The following PLCB4 variants were observed in gnomAD, a reference collection of about 807,000 sequenced individuals.
The protein encoded by PLCB4 is 1-phosphatidylinositol 4,5-bisphosphate phosphodiesterase beta-4.
Under a neutral mutation model 178.8 loss-of-function variants are expected in PLCB4, and 77 were observed. That is an observed-to-expected ratio of 0.43 (90% CI 0.36 to 0.52). The LOEUF is 0.52. Ranked by LOEUF, PLCB4 falls within the 20% of genes least tolerant of loss-of-function variation. PLCB4 has a pLI of 0.00. For missense variants in PLCB4, 1,024 were observed against 1,453.4 expected, an observed-to-expected ratio of 0.70 and a Z score of 4.80; for synonymous variants, 496 against 490.8, an observed-to-expected ratio of 1.01 and a Z score of -0.14.
chr20:9,144,808 A>C (rs1400060167), intron 2 of PLCB4, among the ~76,000 whole-genome samples: 1 of 150,956 alleles, frequency 6.6e-6, no homozygotes, highest in African/African-American at 2.4e-5. Context: ...AGGAGAAGGA[A>C]GTTCAAATAA....
intron 7 of PLCB4, among the ~76,000 whole-genome samples, chr20:9,350,490 C>G (rs2034229284): frequency 6.6e-6 from 1 of 152,174 alleles, no homozygotes; most frequent in Non-Finnish European, 1.5e-5. Flanking sequence ...CAGTGGCTCT[C>G]TCTAGTGCTC....
intron 3 of PLCB4, among the ~76,000 whole-genome samples, chr20:9,237,623 A>G (rs2094007670): frequency 6.6e-6 from 1 of 152,310 alleles, no homozygotes; most frequent in African/African-American, 2.4e-5. Context: ...CAAGTTTGAG[A>G]AGCATGACAG....
At chr20:9,318,254 CT>C (rs2094922052) in intron 4 of PLCB4, among the ~76,000 whole-genome samples, 1 of 151,978 alleles carries the variant, frequency 6.6e-6, no homozygotes, top group Non-Finnish European at 1.5e-5. Context: ...TCCAAAGCTG[CT>C]AGTTTAGGGG....
intron 2 of PLCB4, among the ~76,000 whole-genome samples, chr20:9,183,505 T>G (rs1022103197): frequency 6.6e-5 from 10 of 152,204 alleles, no homozygotes; most frequent in Admixed American, 2.6e-4. Flanking sequence ...GCTAGATTTT[T>G]AAGTTTCAGT....
At chr20:9,150,595 A>G (rs1399192222) in intron 2 of PLCB4, among the ~76,000 whole-genome samples, 3 of 152,140 alleles carry the variant, frequency 2.0e-5, no homozygotes, top group South Asian at 2.1e-4. Context: ...GGTGCTAAAC[A>G]TGCATCGTCT....
rs180918080 is a variant in PLCB4, at chr20:9,431,144, C to G, written c.2525-4416C>G. Among the ~76,000 whole-genome samples, 24 of 152,264 alleles carry G rather than the reference C, an allele frequency of 1.6e-4. No individual in the cohort carries two copies. In the East Asian group the frequency reaches 4.4e-3, roughly 28 times the overall value. On this transcript the variant is annotated intron_variant, in intron 28 of 39. Transcript: ENST00000378473. The stretch of plus-strand genomic sequence containing the variant: ...CTCTCTGAAGGCTCTCGGGAAGAAT[C>G]CTTCCTTGCCTCTTTCTGGCTTCTG...
At chr20:9,159,478 T>C (rs906005425) in intron 2 of PLCB4, among the ~76,000 whole-genome samples, 3 of 152,206 alleles carry the variant, frequency 2.0e-5, no homozygotes, top group African/African-American at 7.2e-5. Flanking sequence ...TGTTTTTGTG[T>C]GATAAGAGGG....
At chr20:9,200,674 C>T (rs2093532486) in intron 2 of PLCB4, among the ~76,000 whole-genome samples, 1 of 152,158 alleles carries the variant, frequency 6.6e-6, no homozygotes, top group Non-Finnish European at 1.5e-5. Flanking sequence ...GGTCTCTTCA[C>T]CCTTGCAGAA....
At chr20:9,267,108 G>C (rs541963156) in intron 3 of PLCB4, among the ~76,000 whole-genome samples, 1 of 152,148 alleles carries the variant, frequency 6.6e-6, no homozygotes, top group Non-Finnish European at 1.5e-5. Flanking sequence ...TTAATCATTT[G>C]TTCCCTCCAA....
intron 32 of PLCB4, among the ~76,000 whole-genome samples, chr20:9,450,571 A>G (rs2042692435): frequency 6.6e-6 from 1 of 151,758 alleles, no homozygotes; most frequent in African/African-American, 2.4e-5. Flanking sequence ...TTATTTTTGC[A>G]TATGTTTAGT....
intron 4 of PLCB4, among the ~76,000 whole-genome samples, chr20:9,313,515 G>A (rs1196761371): frequency 6.6e-6 from 1 of 152,186 alleles, no homozygotes; most frequent in Non-Finnish European, 1.5e-5. Context: ...TTTCAAATTT[G>A]GAGTTGGGGG....
chr20:9,270,458 A>G (rs1398807196), intron 3 of PLCB4, among the ~76,000 whole-genome samples: 2 of 152,162 alleles, frequency 1.3e-5, no homozygotes, highest in African/African-American at 4.8e-5. Flanking sequence ...TGACATTAGT[A>G]GAATGCATTT....
chr20:9,225,600 T>C (rs910201549), intron 3 of PLCB4, among the ~76,000 whole-genome samples: 1 of 152,190 alleles, frequency 6.6e-6, no homozygotes, highest in Non-Finnish European at 1.5e-5. Flanking sequence ...TGAGGGCCTT[T>C]GTGGTGGCAA....
chr20:9,272,824 C>G (rs1161252673), intron 3 of PLCB4, among the ~76,000 whole-genome samples: 1 of 151,470 alleles, frequency 6.6e-6, no homozygotes, highest in Non-Finnish European at 1.5e-5. Flanking sequence ...AAAGGCTCTC[C>G]CAGTTTGTTC....
At chr20:9,348,879 G>A (rs1036153206) in intron 7 of PLCB4, among the ~76,000 whole-genome samples, 3 of 152,040 alleles carry the variant, frequency 2.0e-5, no homozygotes, top group Admixed American at 1.3e-4. Context: ...TCAAGCCTCC[G>A]CTTAGCTCCC....
chr20:9,329,281 TGGG>T (rs2031257911), intron 4 of PLCB4, among the ~76,000 whole-genome samples: 2 of 152,158 alleles, frequency 1.3e-5, no homozygotes, highest in Admixed American at 1.3e-4. Flanking sequence ...AGAAATGATT[TGGG>T]GGCTACTTTT....
chr20:9,127,700 A>G (rs924399276), intron 2 of PLCB4, among the ~76,000 whole-genome samples: 6 of 151,658 alleles, frequency 4.0e-5, no homozygotes, highest in Non-Finnish European at 7.4e-5. Context: ...CCATCCATCT[A>G]TCTAAACGGA....
At chr20:9,100,891 A>T (rs796401425) in intron 2 of PLCB4, among the ~76,000 whole-genome samples, 16 of 152,226 alleles carry the variant, frequency 1.1e-4, no homozygotes, top group African/African-American at 3.9e-4. Flanking sequence ...CATCATCTCG[A>T]CAGTGCCACA....
chr20:9,442,917 C>T (rs2042194996), intron 30 of PLCB4, among the ~76,000 whole-genome samples: 1 of 152,200 alleles, frequency 6.6e-6, no homozygotes, highest in Non-Finnish European at 1.5e-5. Flanking sequence ...GAGCCTGGGA[C>T]TTGATGCCTA....
Sources: allele counts gnomAD v4.1 joint callset (sites outside exome capture counted in the v4.1 genomes callset), GRCh38; gene constraint gnomAD v4.1.1; transcripts MANE v1.5; gene names NCBI Gene and HGNC (gene_info 2026-07-23, HGNC 2026-07-21).